SLC44A5: variants seen among roughly 807,000 people sequenced by gnomAD.
SLC44A5 encodes the protein choline transporter-like protein 5.
Under a neutral mutation model 101.8 loss-of-function variants are expected in SLC44A5, and 57 were observed. The ratio of observed to expected loss-of-function variants is 0.56; its 90% CI spans 0.45 to 0.70. The LOEUF is 0.70. Among genes scored for constraint, SLC44A5 ranks in the 30% least tolerant of loss-of-function variants. SLC44A5 has a pLI of 0.00. For missense variants in SLC44A5, 737 were observed against 853.1 expected, an observed-to-expected ratio of 0.86 and a Z score of 1.70; for synonymous variants, 281 against 290.9, an observed-to-expected ratio of 0.97 and a Z score of 0.35.
chr1:75,703,053 C>T, the SLC44A5 span, among the ~76,000 whole-genome samples: 1 of 150,876 alleles, frequency 6.6e-6, no homozygotes, highest in African/African-American at 2.4e-5. Flanking sequence ...CACTTTTACA[C>T]TGTTGGTGGG....
chr1:75,698,636 G>A, the SLC44A5 span, among the ~76,000 whole-genome samples: 1 of 152,202 alleles, frequency 6.6e-6, no homozygotes, highest in Non-Finnish European at 1.5e-5. Flanking sequence ...ACCAGCAATG[G>A]AACAAAGCTG....
intron 5 of SLC44A5, among the ~76,000 whole-genome samples, chr1:75,292,268 A>G (rs1307804288): frequency 2.0e-5 from 3 of 152,120 alleles, no homozygotes; most frequent in African/African-American, 7.2e-5. Context: ...CTGTGCTTCT[A>G]TAATTAGCCA....
At chr1:75,453,689 G>A (rs770146523) in intron 2 of SLC44A5, among the ~76,000 whole-genome samples, 2 of 151,882 alleles carry the variant, frequency 1.3e-5, no homozygotes, top group Non-Finnish European at 2.9e-5. Context: ...GGATACAAAC[G>A]AGCTCAATCA....
the SLC44A5 span, among the ~76,000 whole-genome samples, chr1:75,699,569 C>T: frequency 2.5e-4 from 37 of 148,690 alleles, no homozygotes; most frequent in African/African-American, 8.7e-4. Context: ...TAAACACCAT[C>T]GAGACTAGGA....
Position 75,275,018 on chromosome 1 carries a change from C to T in SLC44A5, c.200G>A (p.Arg67Lys). The T allele has an allele frequency of 1.2e-6, 2 of 1,612,908 alleles. No homozygotes were observed. Among genetic ancestry groups the T allele is most frequent in the Non-Finnish European group, 1.7e-6 (2 of 1,179,424 alleles). The change falls in exon 6 of 24, where the codon AGA becomes AAA. Residue 67 changes from arginine to lysine, a missense_variant. By Grantham distance (26) the Arg-to-Lys change is conservative. Around this residue, in one of 3 missense-constraint regions of SLC44A5, gnomAD observed 665 missense variants for 764.4 expected, o/e 0.87. Transcript: ENST00000370859. ...CTGGCTGTCTGTAGGATAGGCTGCT[C>T]TTCTGGGGTCCCCATGTACCCAGGC... ...LVAWVHGDPR[R>K]AAYPTDSQGH...
intron 2 of SLC44A5, among the ~76,000 whole-genome samples, chr1:75,409,774 T>C (rs1237986482): frequency 6.6e-6 from 1 of 152,162 alleles, no homozygotes; most frequent in African/African-American, 2.4e-5. Context: ...CTACTACAGA[T>C]GGTCATTGAT....
chr1:75,604,904 CAA>C (rs1412448568), intron 1 of SLC44A5, among the ~76,000 whole-genome samples: 1 of 151,808 alleles, frequency 6.6e-6, no homozygotes, highest in Admixed American at 6.6e-5. Flanking sequence ...TTTTCAGTTC[CAA>C]AAGTCTTTGG....
intron 4 of SLC44A5, among the ~76,000 whole-genome samples, chr1:75,330,151 G>GTATATGCATATATATACGTA (rs142077685): frequency 0.33 from 38,655 of 117,092 alleles, 7,304 homozygotes; most frequent in East Asian, 0.81. Flanking sequence ...ATGCATATAC[G>GTATATGCATATATATACGTA]TATATGCATA....
At chr1:75,272,759 T>C (rs958262187) in intron 6 of SLC44A5, among the ~76,000 whole-genome samples, 3 of 152,186 alleles carry the variant, frequency 2.0e-5, no homozygotes, top group Non-Finnish European at 4.4e-5. Flanking sequence ...TGCCTATTTT[T>C]ATATCAGTAC....
chr1:75,699,298 G>A, the SLC44A5 span, among the ~76,000 whole-genome samples: 30 of 152,216 alleles, frequency 2.0e-4, no homozygotes, highest in African/African-American at 6.3e-4. Flanking sequence ...GACTAACAGC[G>A]GATCTCTCGG....
chr1:75,298,139 A>T (rs1368939525), intron 5 of SLC44A5, among the ~76,000 whole-genome samples: 1 of 152,210 alleles, frequency 6.6e-6, no homozygotes, highest in Non-Finnish European at 1.5e-5. Context: ...ATGAAGGTAT[A>T]TATTCTTTCA....
At chr1:75,230,982 T>A (rs1647507603) in intron 12 of SLC44A5, among the ~76,000 whole-genome samples, 1 of 152,222 alleles carries the variant, frequency 6.6e-6, no homozygotes, top group Non-Finnish European at 1.5e-5. Flanking sequence ...GTTTATAGTA[T>A]CCACTGATTT....
chr1:75,360,270 CTGTTT>C, intron 3 of SLC44A5, among the ~76,000 whole-genome samples: 1 of 152,188 alleles, frequency 6.6e-6, no homozygotes. Context: ...AAATTTTCTT[CTGTTT>C]TGTTCTAGTA....
At chr1:75,495,181 C>T (rs527528751) in intron 2 of SLC44A5, among the ~76,000 whole-genome samples, 6 of 152,250 alleles carry the variant, frequency 3.9e-5, no homozygotes, top group South Asian at 2.1e-4. Flanking sequence ...ATAGGCCAGG[C>T]GCAGTGGCTC....
At chr1:75,476,544 A>T (rs574489141) in intron 2 of SLC44A5, among the ~76,000 whole-genome samples, 2 of 152,334 alleles carry the variant, frequency 1.3e-5, no homozygotes, top group East Asian at 3.9e-4. Context: ...GGTCACTCCC[A>T]CCTGAATACT....
intron 12 of SLC44A5, among the ~76,000 whole-genome samples, chr1:75,230,967 C>A (rs1647505734): frequency 6.6e-6 from 1 of 152,184 alleles, no homozygotes; most frequent in Non-Finnish European, 1.5e-5. Context: ...AGACCTCAAT[C>A]TCATGTTTAT....
chr1:75,644,538 T>C, the SLC44A5 span, among the ~76,000 whole-genome samples: 1 of 151,822 alleles, frequency 6.6e-6, no homozygotes, highest in South Asian at 2.1e-4. Context: ...ATTTATTTCT[T>C]CACCCATCAC....
At chr1:75,634,187 T>C in the SLC44A5 span, among the ~76,000 whole-genome samples, 38 of 152,302 alleles carry the variant, frequency 2.5e-4, no homozygotes, top group African/African-American at 8.4e-4. Context: ...ATTCTCTTTT[T>C]TGGTTGTGTC....
At position 75,233,969 on chromosome 1, in the gene SLC44A5, AGAG is replaced by A. The variant is rs1647833295; in HGVS notation, c.853+14_853+16del. The A allele has an allele frequency of 6.6e-7, 1 of 1,510,196 alleles. No homozygotes were observed. Among genetic ancestry groups the A allele is most frequent in the Non-Finnish European group, 9.2e-7 (1 of 1,091,504 alleles). The allele number at this position is 1,510,196 out of a possible 1,614,324, so 93.5% of individuals were successfully genotyped here. A position where few individuals can be genotyped will look rare whatever the true frequency, so the allele number is the denominator to read the frequency against. On this transcript the variant is annotated intron_variant, in intron 12 of 23. Coordinates refer to ENST00000370859, the MANE Select transcript of SLC44A5 (RefSeq NM_001130058.2). ...ATTATTCTGATATTTGATAATTTGA[AGAG>A]GAGTGATACCTACCATAACCTATAA...
Sources: gnomAD v4.1 joint callset for allele counts (sites outside exome capture counted in the v4.1 genomes callset) on GRCh38, gnomAD v4.1.1 for gene constraint, gnomAD v4.1.1 regional missense constraint, MANE v1.5 for transcripts, NCBI Gene and HGNC (gene_info 2026-07-23, HGNC 2026-07-21) for gene names.